BANK1: variants seen among roughly 807,000 people sequenced by gnomAD.
BANK1 encodes the protein B-cell scaffold protein with ankyrin repeats.
A neutral mutation model predicts 94.5 loss-of-function variants in BANK1; 95 were observed. The ratio of observed to expected loss-of-function variants is 1.00; its 90% CI spans 0.85 to 1.19. BANK1 has a LOEUF of 1.19. Ranked by LOEUF, BANK1 falls within the 50% of genes most tolerant of loss-of-function variation. The pLI, the probability that BANK1 is intolerant of heterozygous loss-of-function variation, is 0.00. For synonymous variants in BANK1, 334 were observed against 308.4 expected (o/e 1.08, Z -0.87); for missense variants, 987 against 932.2 (o/e 1.06, Z -0.77).
chr4:101,892,035 A>G (rs770683189), intron 5 of BANK1, among the ~76,000 whole-genome samples: 1 of 151,832 alleles, frequency 6.6e-6, no homozygotes, highest in Non-Finnish European at 1.5e-5. Context: ...TTTACAATCA[A>G]TTTGCGATCG....
chr4:101,922,361 T>C (rs971915129), intron 7 of BANK1, among the ~76,000 whole-genome samples: 2 of 151,852 alleles, frequency 1.3e-5, no homozygotes, highest in African/African-American at 2.4e-5. Context: ...ATCCATGTTA[T>C]ATAATTTAGT....
chr4:101,909,410 G>C (rs956802389), intron 6 of BANK1, among the ~76,000 whole-genome samples: 2 of 152,162 alleles, frequency 1.3e-5, no homozygotes, highest in Admixed American at 6.5e-5. Flanking sequence ...GGGTAGGGAG[G>C]AGGGATAGCA....
At chr4:102,006,244 A>G (rs1475707095) in intron 7 of BANK1, among the ~76,000 whole-genome samples, 1 of 152,070 alleles carries the variant, frequency 6.6e-6, no homozygotes, top group Non-Finnish European at 1.5e-5. Context: ...AATTTAGGAT[A>G]TCTGACCTTA....
intron 7 of BANK1, among the ~76,000 whole-genome samples, chr4:101,982,598 A>C (rs1256573463): frequency 6.6e-6 from 1 of 152,020 alleles, no homozygotes; most frequent in Non-Finnish European, 1.5e-5. Flanking sequence ...TTTATTCGGC[A>C]AAAGTACTTA....
At chr4:101,988,913 A>T (rs1165241987) in intron 7 of BANK1, among the ~76,000 whole-genome samples, 1 of 152,216 alleles carries the variant, frequency 6.6e-6, no homozygotes, top group Non-Finnish European at 1.5e-5. Context: ...ACAAAAATAT[A>T]CTAAGAAATT....
intron 2 of BANK1, among the ~76,000 whole-genome samples, chr4:101,851,725 C>A (rs1224134529): frequency 6.6e-6 from 1 of 152,124 alleles, no homozygotes; most frequent in Non-Finnish European, 1.5e-5. Flanking sequence ...ATCAGTTTTT[C>A]TTTCTCTGTT....
At chr4:101,950,054 TGTGTGTGC>T (rs1578416051) in intron 7 of BANK1, among the ~76,000 whole-genome samples, 2 of 55,866 alleles carry the variant, frequency 3.6e-5, no homozygotes, top group Admixed American at 3.2e-4. Context: ...TGTGTGTGTG[TGTGTGTGC>T]GCGTGCGCGC....
At chr4:101,964,398 G>GA (rs1383473723) in intron 7 of BANK1, among the ~76,000 whole-genome samples, 1 of 151,784 alleles carries the variant, frequency 6.6e-6, no homozygotes, top group African/African-American at 2.4e-5. Context: ...ACAGAATTCT[G>GA]AAAAAAACCG....
intron 5 of BANK1, among the ~76,000 whole-genome samples, chr4:101,878,507 C>T (rs902261669): frequency 6.6e-6 from 1 of 152,146 alleles, no homozygotes; most frequent in African/African-American, 2.4e-5. Context: ...ATAATAATAG[C>T]TTGAGACTCC....
chr4:101,957,699 A>G (rs1724394520), intron 7 of BANK1, among the ~76,000 whole-genome samples: 1 of 152,220 alleles, frequency 6.6e-6, no homozygotes, highest in Admixed American at 6.5e-5. Flanking sequence ...TTAATGTATT[A>G]AGCTTTGGTT....
intron 6 of BANK1, 56 bp from the exon 7 acceptor site, chr4:101,917,937 A>G: frequency 7.5e-7 from 1 of 1,327,908 alleles, no homozygotes; most frequent in South Asian, 1.5e-5. Flanking sequence ...TAGACCTTTT[A>G]ATGAGATTGC....
intron 5 of BANK1, among the ~76,000 whole-genome samples, chr4:101,884,961 T>A (rs1286681242): frequency 6.6e-6 from 1 of 152,192 alleles, no homozygotes; most frequent in Non-Finnish European, 1.5e-5. Context: ...CAGGCTGGAG[T>A]GCAGTGGCGC....
chr4:101,907,956 G>A (rs1244839861), intron 6 of BANK1, among the ~76,000 whole-genome samples: 5 of 152,090 alleles, frequency 3.3e-5, no homozygotes, highest in Admixed American at 2.6e-4. Context: ...GGAAGAATCA[G>A]TATCGTGAAA....
intron 6 of BANK1, among the ~76,000 whole-genome samples, chr4:101,905,969 G>T (rs1048338612): frequency 6.6e-6 from 1 of 152,156 alleles, no homozygotes; most frequent in African/African-American, 2.4e-5. Flanking sequence ...AAGCTCTAAT[G>T]CACACTCTGC....
chr4:101,841,625 T>C (rs1410631819), intron 2 of BANK1, among the ~76,000 whole-genome samples: 1 of 151,592 alleles, frequency 6.6e-6, no homozygotes, highest in Non-Finnish European at 1.5e-5. Flanking sequence ...CTTTTATTAT[T>C]ATTATTATTA....
At chr4:101,858,672 T>C (rs1727766870) in intron 3 of BANK1, among the ~76,000 whole-genome samples, 1 of 152,196 alleles carries the variant, frequency 6.6e-6, no homozygotes, top group Non-Finnish European at 1.5e-5. Context: ...ATAGAGACAT[T>C]TGAAAAACCA....
intron 1 of BANK1, among the ~76,000 whole-genome samples, chr4:101,828,257 A>G (rs951204504): frequency 2.0e-5 from 3 of 151,762 alleles, no homozygotes; most frequent in African/African-American, 7.2e-5. Flanking sequence ...ATTTTCAAAT[A>G]CATGTGATAA....
intron 7 of BANK1, among the ~76,000 whole-genome samples, chr4:101,922,877 C>A (rs1170143784): frequency 6.6e-6 from 1 of 151,844 alleles, no homozygotes; most frequent in Non-Finnish European, 1.5e-5. Flanking sequence ...ATCTGGCTAT[C>A]ACAGAATTTT....
At chr4:102,025,831 G>A (rs1193316954) in intron 9 of BANK1, among the ~76,000 whole-genome samples, 1 of 151,612 alleles carries the variant, frequency 6.6e-6, no homozygotes, top group African/African-American at 2.4e-5. Context: ...AGCTTTAAGA[G>A]AATAAAACTT....
Sources: allele counts gnomAD v4.1 joint callset (sites outside exome capture counted in the v4.1 genomes callset), GRCh38; gene constraint gnomAD v4.1.1; transcripts MANE v1.5; gene names NCBI Gene and HGNC (gene_info 2026-07-23, HGNC 2026-07-21).